The following RNF17 variants were observed in gnomAD, a reference collection of about 807,000 sequenced individuals.
RNF17 encodes the protein spermatogenesis associated 23.
RNF17 carries 31 observed loss-of-function variants against 200.5 expected under a neutral mutation model. The ratio of observed to expected loss-of-function variants is 0.15; its 90% CI spans 0.12 to 0.21. RNF17 has a LOEUF of 0.21. Among genes scored for constraint, RNF17 ranks in the 10% least tolerant of loss-of-function variants. RNF17 has a pLI of 1.00. For missense variants in RNF17, 1,628 were observed against 1,905.1 expected (o/e 0.85, Z 2.71); for synonymous variants, 606 against 637.8 (o/e 0.95, Z 0.75).
chr13:24,843,094 T>G (rs1489654863), intron 19 of RNF17, among the ~76,000 whole-genome samples: 1 of 152,130 alleles, frequency 6.6e-6, no homozygotes, highest in African/African-American at 2.4e-5. Context: ...CTGCAGTGAC[T>G]CATACTAGTA....
At chr13:24,821,442 TG>T (rs774536247) in intron 15 of RNF17, among the ~76,000 whole-genome samples, 2 of 152,220 alleles carry the variant, frequency 1.3e-5, no homozygotes, top group African/African-American at 2.4e-5. Flanking sequence ...AATAATTTTT[TG>T]CCTCTTTGTC....
chr13:24,793,001 A>G, intron 9 of RNF17, 41 bp from the exon 10 acceptor site: 1 of 1,302,216 alleles, frequency 7.7e-7, no homozygotes, highest in East Asian at 2.3e-5. Flanking sequence ...TGTACCATAT[A>G]CCTCTGTATT....
At chr13:24,847,486 C>A (rs1047599164) in intron 22 of RNF17, among the ~76,000 whole-genome samples, 1 of 151,958 alleles carries the variant, frequency 6.6e-6, no homozygotes. Context: ...GCTGGAATTA[C>A]AGGCGTGCAC....
At chr13:24,771,707 AC>A (rs1196786750) in intron 2 of RNF17, among the ~76,000 whole-genome samples, 1 of 148,920 alleles carries the variant, frequency 6.7e-6, no homozygotes, top group Non-Finnish European at 1.5e-5. Flanking sequence ...TTCAATACTT[AC>A]GTTTTTTTAA....
intron 18 of RNF17, among the ~76,000 whole-genome samples, chr13:24,832,512 C>A (rs1034264184): frequency 5.3e-5 from 8 of 152,138 alleles, no homozygotes; most frequent in Non-Finnish European, 1.2e-4. Flanking sequence ...AGTTCAGCAG[C>A]AAAATTGGTT....
At chr13:24,759,843 G>C (rs1878545909), upstream of RNF17, among the ~76,000 whole-genome samples, 1 of 152,178 alleles carries the variant, frequency 6.6e-6, no homozygotes, top group Admixed American at 6.5e-5. Context: ...GTTTCTATAA[G>C]AATAAATGTA....
At chr13:24,767,746 C>CAAAA (rs71186846) in intron 2 of RNF17, among the ~76,000 whole-genome samples, 3 of 94,982 alleles carry the variant, frequency 3.2e-5, no homozygotes, top group African/African-American at 7.5e-5. Flanking sequence ...GACTCCATCT[C>CAAAA]AAAAAAAAAA....
At chr13:24,856,646 A>G (rs1340407798) in intron 25 of RNF17, among the ~76,000 whole-genome samples, 6 of 152,272 alleles carry the variant, frequency 3.9e-5, no homozygotes, top group Admixed American at 1.3e-4. Flanking sequence ...CTGATCTGCA[A>G]TGCTAACTTT....
chr13:24,815,428 GGT>G (rs60054136), intron 15 of RNF17, among the ~76,000 whole-genome samples: 14,699 of 143,834 alleles, frequency 0.1, 838 homozygotes, highest in African/African-American at 0.17. Context: ...GCCCTAACGG[GGT>G]GTGTGTGTGT....
intron 28 of RNF17, among the ~76,000 whole-genome samples, chr13:24,863,278 T>C (rs1893279375): frequency 6.6e-6 from 1 of 152,116 alleles, no homozygotes; most frequent in African/African-American, 2.4e-5. Flanking sequence ...GTAAATGTAA[T>C]AGGAATTTAG....
intron 3 of RNF17, among the ~76,000 whole-genome samples, chr13:24,776,358 G>C (rs766933313): frequency 6.6e-6 from 1 of 152,026 alleles, no homozygotes; most frequent in Non-Finnish European, 1.5e-5. Context: ...CATTACCACC[G>C]TAGCTTCTCT....
chr13:24,845,458 A>G (rs1891158439), intron 22 of RNF17, among the ~76,000 whole-genome samples: 2 of 152,230 alleles, frequency 1.3e-5, no homozygotes, highest in Admixed American at 1.3e-4. Context: ...ATCCCACTAT[A>G]AAAACAGCAA....
Position 24,861,252 on chromosome 13 carries a change from A to G in RNF17, c.3775-16A>G, listed in dbSNP as rs769681219. 3.8e-6 allele frequency: 6 copies of G among 1,564,516 alleles called. No homozygotes were observed. The highest frequency in any genetic ancestry group is 3.6e-5 in the Admixed American group (2 of 55,238). On this transcript the variant is annotated splice_polypyrimidine_tract_variant and intron_variant, in intron 26 of 35. Coordinates refer to ENST00000255324, the MANE Select transcript of RNF17 (RefSeq NM_031277.3). ...ATAATAAATTTTAACTATAAATTGT[A>G]TTTGTCGTGTTTCAGGTACAATATT... is the stretch of plus-strand genomic sequence containing the variant.
At chr13:24,885,336 T>G in the RNF17 span, 30 of 1,613,912 alleles carry the variant, frequency 1.9e-5, no homozygotes, top group Middle Eastern at 1.6e-4. Flanking sequence ...CCTCTTTATA[T>G]TCAGGATCTG....
chr13:24,787,209 G>A (rs1883226435), intron 6 of RNF17, among the ~76,000 whole-genome samples: 1 of 151,656 alleles, frequency 6.6e-6, no homozygotes, highest in African/African-American at 2.4e-5. Context: ...TTATCATTTT[G>A]TCCCCTAGAT....
chr13:24,790,041 A>G (rs1024633309), intron 9 of RNF17, among the ~76,000 whole-genome samples: 1 of 152,156 alleles, frequency 6.6e-6, no homozygotes, highest in African/African-American at 2.4e-5. Context: ...ATATTGAGAT[A>G]AATGTCCGAG....
intron 6 of RNF17, among the ~76,000 whole-genome samples, chr13:24,786,812 C>T (rs1362184265): frequency 2.0e-5 from 3 of 152,138 alleles, no homozygotes; most frequent in African/African-American, 7.2e-5. Context: ...CTGTGTCCTT[C>T]AGCAGTTGGA....
At chr13:24,757,776 C>T in the RNF17 span, among the ~76,000 whole-genome samples, 3 of 152,326 alleles carry the variant, frequency 2.0e-5, no homozygotes, top group South Asian at 4.1e-4. Context: ...TGTATTTCCT[C>T]TTCTCCACTT....
At chr13:24,845,267 G>C (rs1891133514) in intron 22 of RNF17, among the ~76,000 whole-genome samples, 188 bp downstream of exon 22, 1 of 152,166 alleles carries the variant, frequency 6.6e-6, no homozygotes, top group South Asian at 2.1e-4. Flanking sequence ...AGGTGAGTAT[G>C]AAAGTGCCTA....
Sources: allele counts gnomAD v4.1 joint callset (sites outside exome capture counted in the v4.1 genomes callset), GRCh38; gene constraint gnomAD v4.1.1; transcripts MANE v1.5; gene names NCBI Gene and HGNC (gene_info 2026-07-23, HGNC 2026-07-21).